ZNF131: variants seen among roughly 807,000 people sequenced by gnomAD.
ZNF131 encodes zinc finger protein 131.
ZNF131 carries 7 observed loss-of-function variants against 60.0 expected under a neutral mutation model. The ratio of observed to expected loss-of-function variants is 0.12; its 90% CI spans 0.07 to 0.22. The LOEUF (loss-of-function observed/expected upper bound fraction) is 0.22, where lower values mean the gene tolerates loss of function less well. Ranked by LOEUF, ZNF131 falls within the 10% of genes least tolerant of loss-of-function variation. The pLI is 1.00. For synonymous variants in ZNF131, 257 were observed against 253.2 expected (o/e 1.01, Z -0.14); for missense variants, 493 against 740.9 (o/e 0.67, Z 3.88).
intron 3 of ZNF131, among the ~76,000 whole-genome samples, chr5:43,136,001 G>A (rs1027827261): frequency 6.6e-6 from 1 of 152,210 alleles, no homozygotes; most frequent in East Asian, 1.9e-4. Context: ...TGTAGTCCCA[G>A]CTACTTGGGA....
chr5:43,174,945 G>A lies in ZNF131; in HGVS notation c.1684G>A (p.Ala562Thr). 5.0e-6 allele frequency: 8 copies of A among 1,614,146 alleles called. No homozygotes were observed. The highest frequency in any genetic ancestry group is 6.8e-6 in the Non-Finnish European group (8 of 1,180,032). The stretch of plus-strand genomic sequence containing the variant: ...GGAAGTACAAACTGAACTTCTAGAA[G>A]CAGATTTGGACCACGTGACCCCAGA... The part of the protein sequence containing the change: ...PVEVQTELLE[A>T]DLDHVTPEIM... The change falls in exon 7 of 7, where the codon GCA (alanine) becomes ACA (threonine). Residue 562 changes from alanine (A) to threonine (T), a missense_variant. Ala to Thr is a moderately conservative substitution (Grantham distance 58). This residue lies in a region of ZNF131 where 202 missense variants were observed against 221.3 expected (regional missense o/e 0.91). Coordinates refer to ENST00000682664, the MANE Select transcript of ZNF131 (RefSeq NM_001330707.2).
At chr5:43,147,202 AGTTT>A (rs1182839592) in intron 4 of ZNF131, among the ~76,000 whole-genome samples, 2 of 151,522 alleles carry the variant, frequency 1.3e-5, no homozygotes, top group Non-Finnish European at 2.9e-5. Context: ...GGTATGCTAC[AGTTT>A]GTTTATCTGA....
chr5:43,156,295 A>G (rs1748957218), intron 4 of ZNF131, among the ~76,000 whole-genome samples: 1 of 152,116 alleles, frequency 6.6e-6, no homozygotes, highest in African/African-American at 2.4e-5. Flanking sequence ...CCTTAATCTG[A>G]CATAGCCATG....
chr5:43,150,654 C>CG (rs1748188813), intron 4 of ZNF131, among the ~76,000 whole-genome samples: 1 of 152,072 alleles, frequency 6.6e-6, no homozygotes, highest in Non-Finnish European at 1.5e-5. Context: ...TAGCTGGGCA[C>CG]GGTGACACAT....
rs533966816 is a variant in ZNF131, at chr5:43,148,020, C to CTCCA, written c.371+8712_371+8715dup. 3.1e-3 allele frequency among the ~76,000 whole-genome samples: 459 copies of CTCCA among 148,230 alleles called. 3 individuals carry two copies. The highest frequency in any genetic ancestry group is 0.011 in the African/African-American group (437 of 40,468). ...AGTGAGCCAAGATCATGCCATTGTA[C>CTCCA]TCCAGCCTGAGCGACAAGAGTGCTT... is the stretch of plus-strand genomic sequence containing the variant. On this transcript the variant is annotated intron_variant, in intron 4 of 6. Transcript: ENST00000682664.
Position 43,139,262 on chromosome 5 carries a change from A to T in ZNF131, c.324A>T (p.Ala108=). 3.1e-6 allele frequency: 5 copies of T among 1,612,960 alleles called. No homozygotes were observed. Among genetic ancestry groups the T allele is most frequent in the Non-Finnish European group, 3.4e-6 (4 of 1,179,558 alleles). Residue 108 remains alanine, a synonymous_variant, in exon 4 of 7, where the codon GCA becomes GCT. Transcript: ENST00000682664. Reference sequence around the variant, plus strand: ...AAGAAGCCAATGATGTATGGAAAGCAGCAGAGTTTCTACAAATGCTAGAAG... The same window carrying T: ...AAGAAGCCAATGATGTATGGAAAGCTGCAGAGTTTCTACAAATGCTAGAAG... The part of the protein sequence containing the change: ...GEEEANDVWK[A]AEFLQMLEAI...
At chr5:43,173,293 A>G (rs767242199) in intron 5 of ZNF131, 25 bp from the exon 6 acceptor site, 21 of 1,508,678 alleles carry the variant, frequency 1.4e-5, no homozygotes, top group East Asian at 1.1e-4. Context: ...TAATTTGCCA[A>G]CGTATCTTTT....
chr5:43,173,976 C>T (rs1353789299), intron 6 of ZNF131, among the ~76,000 whole-genome samples: 1 of 152,108 alleles, frequency 6.6e-6, no homozygotes, highest in Non-Finnish European at 1.5e-5. Flanking sequence ...ACCTGTAATC[C>T]CAGCACTTTG....
chr5:43,146,936 C>A (rs1389330056), intron 4 of ZNF131, among the ~76,000 whole-genome samples: 1 of 151,926 alleles, frequency 6.6e-6, no homozygotes, highest in Non-Finnish European at 1.5e-5. Context: ...TACAGTGATA[C>A]AGACACCACC....
intron 5 of ZNF131, among the ~76,000 whole-genome samples, chr5:43,165,973 T>C (rs1214784848): frequency 6.6e-6 from 1 of 152,276 alleles, no homozygotes; most frequent in Non-Finnish European, 1.5e-5. Flanking sequence ...ATTGCACTTT[T>C]ATGTTATAGA....
At position 43,120,948 on chromosome 5, in the gene ZNF131, A is replaced by G. The variant is rs1743708686; in HGVS notation, c.-191A>G. The stretch of plus-strand genomic sequence containing the variant: ...GCCGCCCGGGTGCCCAACCGAACGC[A>G]CGTGCGCCAGCGGGGCCCGAGCAGA... On this transcript the variant is annotated 5_prime_UTR_variant, in exon 1 of 7. Transcript: ENST00000682664. 1 of 152,202 alleles carries G rather than the reference A, an allele frequency of 6.6e-6. No homozygotes were observed. The highest frequency in any genetic ancestry group is 2.4e-5 in the African/African-American group (1 of 41,466). The allele number at this position is 152,202 out of a possible 1,614,324, so 9.4% of individuals were successfully genotyped here. A position where few individuals can be genotyped will look rare whatever the true frequency, so the allele number is the denominator to read the frequency against.
chr5:43,122,000 G>A, intron 1 of ZNF131, 39 bp from the exon 2 acceptor site: 5 of 1,583,152 alleles, frequency 3.2e-6, no homozygotes, highest in Non-Finnish European at 4.3e-6. Context: ...TCCTCGGCTC[G>A]AGCTCATGGG....
chr5:43,154,977 ATG>A (rs905856748), intron 4 of ZNF131, among the ~76,000 whole-genome samples: 4 of 152,216 alleles, frequency 2.6e-5, no homozygotes, highest in African/African-American at 7.2e-5. Flanking sequence ...GACCAGAGTC[ATG>A]AGGACAGCCT....
At chr5:43,130,192 A>T (rs1248090078) in intron 3 of ZNF131, among the ~76,000 whole-genome samples, 1 of 141,822 alleles carries the variant, frequency 7.1e-6, no homozygotes, top group Non-Finnish European at 1.5e-5. Context: ...TGAACCTGAG[A>T]GGTGGAGATT....
intron 5 of ZNF131, among the ~76,000 whole-genome samples, chr5:43,163,478 C>G (rs1016441871): frequency 1.3e-5 from 2 of 152,208 alleles, no homozygotes; most frequent in Non-Finnish European, 2.9e-5. Context: ...AGAAATCTAC[C>G]TCAGGGCCTC....
chr5:43,121,582 C>G (rs972891383), intron 1 of ZNF131: 3 of 152,968 alleles, frequency 2.0e-5, no homozygotes, highest in African/African-American at 7.3e-5. Flanking sequence ...AGTGCCGGCC[C>G]GGTCGGGGCG....
At chr5:43,174,193 A>G (rs1253729166) in intron 6 of ZNF131, among the ~76,000 whole-genome samples, 1 of 152,238 alleles carries the variant, frequency 6.6e-6, no homozygotes, top group South Asian at 2.1e-4. Flanking sequence ...GCACCATTGC[A>G]CTCCAGCCTG....
At chr5:43,131,612 AT>A (rs568177846) in intron 3 of ZNF131, among the ~76,000 whole-genome samples, 2 of 152,286 alleles carry the variant, frequency 1.3e-5, no homozygotes, top group African/African-American at 4.8e-5. Flanking sequence ...ATTCTAATAC[AT>A]TTGAGAATCC....
rs953239177 is a variant in ZNF131, at chr5:43,175,774, A to G, written c.*641A>G. 2.3e-5 allele frequency: 6 copies of G among 261,740 alleles called. No homozygotes were observed. The highest frequency in any genetic ancestry group is 4.3e-5 in the Non-Finnish European group (6 of 138,522). The allele number at this position is 261,740 out of a possible 1,614,324, so 16.2% of individuals were successfully genotyped here. A position where few individuals can be genotyped will look rare whatever the true frequency, so the allele number is the denominator to read the frequency against. Reference sequence around the variant, plus strand: ...CCTTCTCAAAACCAACTGAACTTCTATAAAGCATCTCTGGTTCTTTCAAAG... The same window carrying G: ...CCTTCTCAAAACCAACTGAACTTCTGTAAAGCATCTCTGGTTCTTTCAAAG... On this transcript the variant is annotated 3_prime_UTR_variant, in exon 7 of 7. Transcript: ENST00000682664.
Sources: gnomAD v4.1 joint callset for allele counts (sites outside exome capture counted in the v4.1 genomes callset) on GRCh38, gnomAD v4.1.1 for gene constraint, gnomAD v4.1.1 regional missense constraint, MANE v1.5 for transcripts, NCBI Gene and HGNC (gene_info 2026-07-23, HGNC 2026-07-21) for gene names.